RIMS4: variants seen among roughly 807,000 people sequenced by gnomAD.
RIMS4 encodes regulating synaptic membrane exocytosis 4, also known as regulating synaptic membrane exocytosis protein 4.
Under a neutral mutation model 29.0 loss-of-function variants are expected in RIMS4, and 9 were observed. That is an observed-to-expected ratio of 0.31 (90% CI 0.19 to 0.54). The LOEUF is 0.54. Ranked by LOEUF, RIMS4 falls within the 20% of genes least tolerant of loss-of-function variation. RIMS4 has a pLI of 0.94. For missense variants in RIMS4, 193 were observed against 365.7 expected (o/e 0.53, Z 3.85); for synonymous variants, 130 against 152.9 (o/e 0.85, Z 1.10).
intron 1 of RIMS4, among the ~76,000 whole-genome samples, chr20:44,797,007 A>G (rs1315869372): frequency 6.6e-6 from 1 of 152,210 alleles, no homozygotes; most frequent in South Asian, 2.1e-4. Context: ...CAGCACCTGC[A>G]TTTCTCTGCC....
chr20:44,804,555 G>A (rs1225814889), intron 1 of RIMS4, among the ~76,000 whole-genome samples: 1 of 152,206 alleles, frequency 6.6e-6, no homozygotes, highest in Non-Finnish European at 1.5e-5. Flanking sequence ...AAAAGACACA[G>A]AGGAGGCAAA....
At chr20:44,785,038 C>CATTG (rs2066201791) in intron 1 of RIMS4, among the ~76,000 whole-genome samples, 1 of 152,226 alleles carries the variant, frequency 6.6e-6, no homozygotes, top group Non-Finnish European at 1.5e-5. Context: ...GTGGCCCACA[C>CATTG]ATTGAGTAGC....
At chr20:44,786,231 T>C (rs1392305344) in intron 1 of RIMS4, among the ~76,000 whole-genome samples, 1 of 152,070 alleles carries the variant, frequency 6.6e-6, no homozygotes, top group Admixed American at 6.6e-5. Context: ...GAAGCTGAAA[T>C]ATGGAAGGGC....
chr20:44,795,586 C>A (rs112247840), intron 1 of RIMS4, among the ~76,000 whole-genome samples: 1 of 152,030 alleles, frequency 6.6e-6, no homozygotes, highest in African/African-American at 2.4e-5. Flanking sequence ...GAGCCAAGAT[C>A]GTGCCACTGC....
At position 44,810,250 on chromosome 20, in the gene RIMS4, G is replaced by C. The variant is rs1269266198; in HGVS notation, c.22C>G (p.Leu8Val). 2.0e-6 allele frequency: 3 copies of C among 1,526,074 alleles called. No homozygotes were observed. Among genetic ancestry groups the C allele is most frequent in the South Asian group, 2.3e-5 (2 of 86,886 alleles). The allele number at this position is 1,526,074 out of a possible 1,614,324, so 94.5% of individuals were successfully genotyped here. A position where few individuals can be genotyped will look rare whatever the true frequency, so the allele number is the denominator to read the frequency against. MERSQSR[L>V]SLSASFEALA... is the part of the protein sequence containing the mutation. ...GCCTCGAAGGAGGCGGACAGACTGA[G>C]GCGGCTCTGCGAGCGCTCCATGCCC... The change falls in exon 1 of 6, where the codon CTC becomes GTC. Residue 8 changes from leucine to valine, a missense_variant. Coordinates refer to ENST00000372851, the MANE Select transcript of RIMS4 (RefSeq NM_182970.4).
At chr20:44,760,024 G>A (rs944923618) in intron 2 of RIMS4, among the ~76,000 whole-genome samples, 1 of 152,236 alleles carries the variant, frequency 6.6e-6, no homozygotes, top group African/African-American at 2.4e-5. Flanking sequence ...GAGGTAGAGA[G>A]CAAGAGACTT....
At chr20:44,771,841 G>A (rs1033452093) in intron 1 of RIMS4, among the ~76,000 whole-genome samples, 1 of 152,040 alleles carries the variant, frequency 6.6e-6, no homozygotes, top group African/African-American at 2.4e-5. Flanking sequence ...GCTGCCCTGG[G>A]CATCACAGAA....
intron 1 of RIMS4, among the ~76,000 whole-genome samples, chr20:44,809,697 C>A (rs897074952): frequency 1.3e-5 from 2 of 152,068 alleles, no homozygotes; most frequent in African/African-American, 4.8e-5. Flanking sequence ...CCTGGGGCGC[C>A]GGGCAGGGGT....
In RIMS4 at chr20:44,810,273, C is replaced by T. The variant is rs1568910591; in HGVS notation, c.-2G>A. On this transcript the variant is annotated 5_prime_UTR_variant, in exon 1 of 6. Coordinates refer to ENST00000372851, the MANE Select transcript of RIMS4 (RefSeq NM_182970.4). ...GAGGCGGCTCTGCGAGCGCTCCATG[C>T]CCGCGCCGGCGCCGGGCGCCTCGGC... 2 of 1,189,724 alleles carry T rather than the reference C, an allele frequency of 1.7e-6. No individual in the cohort carries two copies. Among genetic ancestry groups the T allele is most frequent in the South Asian group, 2.8e-5 (1 of 36,336 alleles). The allele number at this position is 1,189,724 out of a possible 1,614,324, so 73.7% of individuals were successfully genotyped here. A position where few individuals can be genotyped will look rare whatever the true frequency, so the allele number is the denominator to read the frequency against.
chr20:44,775,610 C>T (rs1313117113), intron 1 of RIMS4, among the ~76,000 whole-genome samples: 3 of 152,216 alleles, frequency 2.0e-5, no homozygotes, highest in Admixed American at 6.5e-5. Context: ...GCCACCCTTT[C>T]GGGACCTGCC....
At position 44,771,319 on chromosome 20, in the gene RIMS4, G is replaced by C. The variant is rs778166180; in HGVS notation, c.192C>G (p.His64Gln). ...MPSRTLRQASHESIEDSMNSY... is the reference protein window; with the variant it reads ...MPSRTLRQASQESIEDSMNSY... ...TGTTCATGCTGTCCTCAATGGACTC[G>C]TGGCTGGCCTGGCGCAGTGTCCGGC... is the stretch of plus-strand genomic sequence containing the variant. The change falls in exon 2 of 6, where the codon CAC (histidine) becomes CAG (glutamine). Residue 64 changes from histidine to glutamine, a missense_variant. By Grantham distance (24) the His-to-Gln change is conservative (BLOSUM62 0). Coordinates refer to ENST00000372851, the MANE Select transcript of RIMS4 (RefSeq NM_182970.4). The C allele has an allele frequency of 1.2e-6, 2 of 1,613,820 alleles. No homozygotes were observed. Among genetic ancestry groups the C allele is most frequent in the Admixed American group, 3.3e-5 (2 of 60,004 alleles).
At chr20:44,808,416 C>A (rs1170835493) in intron 1 of RIMS4, among the ~76,000 whole-genome samples, 18 of 152,198 alleles carry the variant, frequency 1.2e-4, no homozygotes, top group Non-Finnish European at 1.5e-5. Context: ...TAAACCGCTC[C>A]TGCCTCTGAT....
intron 2 of RIMS4, among the ~76,000 whole-genome samples, chr20:44,763,020 CT>C: frequency 6.6e-6 from 1 of 152,350 alleles, no homozygotes; most frequent in Admixed American, 6.5e-5. Context: ...AAAATTTCTG[CT>C]TACGGCATCC....
intron 2 of RIMS4, among the ~76,000 whole-genome samples, chr20:44,767,840 G>A (rs1021278457): frequency 2.0e-5 from 3 of 152,174 alleles, no homozygotes; most frequent in Admixed American, 6.5e-5. Context: ...AGTTAGCCAC[G>A]GCCATTATTA....
chr20:44,809,049 C>T (rs1191690792), intron 1 of RIMS4, among the ~76,000 whole-genome samples: 1 of 152,042 alleles, frequency 6.6e-6, no homozygotes, highest in Admixed American at 6.5e-5. Flanking sequence ...TTCAAAGACT[C>T]TCGGATTTTC....
Position 44,758,193 on chromosome 20 carries a change from G to A in RIMS4, c.237-9C>T, listed in dbSNP as rs1381287047. On this transcript the variant is annotated splice_polypyrimidine_tract_variant and intron_variant, in intron 2 of 5. Transcript: ENST00000372851. ...CTCCTCCATAGTTAAGGCTGCAAGA[G>A]GAAAAGGTGAGACAAAGCACACATT... The A allele has an allele frequency of 1.5e-5, 24 of 1,596,116 alleles. No homozygotes were observed. The highest frequency in any genetic ancestry group is 2.1e-5 in the Non-Finnish European group (24 of 1,167,568).
At chr20:44,788,934 T>C (rs538088343) in intron 1 of RIMS4, among the ~76,000 whole-genome samples, 72 of 152,178 alleles carry the variant, frequency 4.7e-4, no homozygotes, top group African/African-American at 1.6e-3. Flanking sequence ...GGATGTTGAA[T>C]TTACCATGAA....
At chr20:44,807,700 C>A (rs1288261132) in intron 1 of RIMS4, among the ~76,000 whole-genome samples, 1 of 152,202 alleles carries the variant, frequency 6.6e-6, no homozygotes, top group African/African-American at 2.4e-5. Flanking sequence ...AAAAAGGCTT[C>A]TTTTAGGAGA....
At chr20:44,763,126 T>G (rs1013868208) in intron 2 of RIMS4, among the ~76,000 whole-genome samples, 1 of 152,208 alleles carries the variant, frequency 6.6e-6, no homozygotes, top group African/African-American at 2.4e-5. Flanking sequence ...GCTCAATAGA[T>G]GTTCACTGCC....
Sources: allele counts gnomAD v4.1 joint callset (sites outside exome capture counted in the v4.1 genomes callset), GRCh38; gene constraint gnomAD v4.1.1; transcripts MANE v1.5; gene names NCBI Gene and HGNC (gene_info 2026-07-23, HGNC 2026-07-21).